Variants in SYNPO observed in about 807,000 individuals in gnomAD.
The protein encoded by SYNPO is synaptopodin.
A neutral mutation model predicts 49.5 loss-of-function variants in SYNPO; 19 were observed. The observed-to-expected ratio is 0.38, with a 90% CI of 0.27 to 0.56. The LOEUF (loss-of-function observed/expected upper bound fraction) is 0.56. Among genes scored for constraint, SYNPO ranks in the 20% least tolerant of loss-of-function variants. The probability of loss-of-function intolerance (pLI) is 0.68; values close to 1 mark genes in which losing one functional copy is unlikely to be tolerated. For missense variants in SYNPO, 1,131 were observed against 1,248.3 expected, an observed-to-expected ratio of 0.91 and a Z score of 1.42; for synonymous variants, 536 against 548.0, an observed-to-expected ratio of 0.98 and a Z score of 0.31.
At chr5:150,652,251 G>A (rs372917942) in intron 2 of SYNPO, 97 of 1,000,460 alleles carry the variant, frequency 9.7e-5, no homozygotes, top group Admixed American at 8.6e-4. Flanking sequence ...GGAAGAGCCC[G>A]CCCTTCATTC....
rs749327906 is a variant in SYNPO at position 150,649,955 on chromosome 5, C to A, written c.1680C>A (p.Thr560=). 23 of 1,612,602 alleles carry A rather than the reference C, an allele frequency of 1.4e-5. No individual in the cohort carries two copies. The South Asian group carries it at 2.4e-4, about 17-fold the overall frequency. The part of the protein sequence containing the change: ...PENGVLRPEP[T]KQPPYQLRPS... ...ACGGGGTCCTGCGCCCAGAGCCCAC[C>A]AAGCAGCCGCCATACCAGCTGCGCC... The change falls in exon 2 of 3, where the codon ACC becomes ACA. Residue 560 remains threonine, a synonymous_variant. Transcript: ENST00000307662.
chr5:150,591,533 G>T, the SYNPO span, among the ~76,000 whole-genome samples: 22 of 152,354 alleles, frequency 1.4e-4, no homozygotes, highest in African/African-American at 5.3e-4. Flanking sequence ...CCAAGCCCTG[G>T]TCTCTTGGCC....
At chr5:150,656,348 C>G in intron 2 of SYNPO, 56 bp from the exon 3 acceptor site, 1 of 1,376,044 alleles carries the variant, frequency 7.3e-7, no homozygotes, top group Non-Finnish European at 9.8e-7. Flanking sequence ...TCCTAAAGCC[C>G]GGTGTGGAAG....
At chr5:150,646,684 C>T (rs1758104595) in intron 1 of SYNPO, among the ~76,000 whole-genome samples, 1 of 151,990 alleles carries the variant, frequency 6.6e-6, no homozygotes, top group Admixed American at 6.6e-5. Flanking sequence ...GAGATCTCAT[C>T]ATTGCACTCC....
At position 150,640,787 on chromosome 5, in the gene SYNPO, A is replaced by G. The variant is rs1224794121; in HGVS notation, c.-400A>G. On this transcript the variant is annotated 5_prime_UTR_variant, in exon 1 of 3. The change abolishes the stop of an existing upstream ORF in the 5' untranslated region. Coordinates refer to ENST00000307662, the MANE Select transcript of SYNPO (RefSeq NM_007286.6). ...TTGGCTGCCTTTGCCGGAGGCTTTG[A>G]GAACCAAGGCTTGAAGGCCGGCAGG... The G allele has an allele frequency of 1.0e-6, 1 of 985,464 alleles. No homozygotes were observed. The highest frequency in any genetic ancestry group is 1.1e-4 in the East Asian group (1 of 8,956). The allele number at this position is 985,464 out of a possible 1,614,324, so 61.0% of individuals were successfully genotyped here. A position where few individuals can be genotyped will look rare whatever the true frequency, so the allele number is the denominator to read the frequency against.
At chr5:150,592,723 AC>A in the SYNPO span, among the ~76,000 whole-genome samples, 90 of 152,294 alleles carry the variant, frequency 5.9e-4, no homozygotes, top group African/African-American at 2.2e-3. Context: ...TTAAGGCTTG[AC>A]CCTTCTTTCT....
intron 2 of SYNPO, among the ~76,000 whole-genome samples, chr5:150,655,472 C>G (rs1190232074): frequency 6.6e-6 from 1 of 152,206 alleles, no homozygotes; most frequent in African/African-American, 2.4e-5. Flanking sequence ...GGACCTCCCT[C>G]CCAGCTCCTC....
At chr5:150,628,651 G>C (rs1185691045) in intron 2 of SYNPO, among the ~76,000 whole-genome samples, 4 of 152,256 alleles carry the variant, frequency 2.6e-5, no homozygotes, top group Admixed American at 1.3e-4. Flanking sequence ...GCTCACGCCT[G>C]TAATCCCAGC....
rs1284937291 is a variant in SYNPO at position 150,648,732 on chromosome 5, A to C, written c.457A>C (p.Ser153Arg). The C allele has an allele frequency of 2.5e-6, 4 of 1,614,102 alleles. No individual in the cohort carries two copies. The highest frequency in any genetic ancestry group is 2.5e-6 in the Non-Finnish European group (3 of 1,180,042). The change falls in exon 2 of 3, where the codon AGC becomes CGC. Residue 153 changes from serine (S) to arginine (R), a missense_variant. Physicochemically the swap from Ser to Arg is moderately radical, Grantham distance 110 (BLOSUM62 -1). Around this residue, in one of 4 missense-constraint regions of SYNPO, gnomAD observed 602 missense variants for 720.7 expected, o/e 0.84. Coordinates refer to ENST00000307662, the MANE Select transcript of SYNPO (RefSeq NM_007286.6). The surrounding 1 kb of genome is among the most constrained non-coding windows in gnomAD (Gnocchi z 5.0). ...PQAPAEEVRC[S>R]TLLIDKVSTP... ...GGCACCGGCTGAGGAGGTGAGATGC[A>C]GCACACTCCTAATTGACAAGGTATC...
At chr5:150,602,267 G>A (rs970892267) in intron 1 of SYNPO, among the ~76,000 whole-genome samples, 5 of 152,212 alleles carry the variant, frequency 3.3e-5, no homozygotes, top group African/African-American at 7.2e-5. Flanking sequence ...GCCTTGCTAC[G>A]GATGTTGGAC....
chr5:150,629,563 G>T (rs557157165), intron 2 of SYNPO, among the ~76,000 whole-genome samples: 3 of 152,264 alleles, frequency 2.0e-5, no homozygotes, highest in Admixed American at 6.5e-5. Context: ...CTGACACCAT[G>T]GTGTCAAGGG....
At chr5:150,608,316 A>G (rs1303704326) in intron 1 of SYNPO, 1 of 152,176 alleles carries the variant, frequency 6.6e-6, no homozygotes, top group Non-Finnish European at 1.5e-5. Context: ...GGCCAGCATG[A>G]CTTTCTAGGA....
chr5:150,639,299 G>C (rs1014477807), upstream of SYNPO, among the ~76,000 whole-genome samples: 8 of 152,224 alleles, frequency 5.3e-5, no homozygotes, highest in Admixed American at 2.6e-4. Context: ...GAAACCAGAA[G>C]TTTGGCCAGG....
intron 2 of SYNPO, among the ~76,000 whole-genome samples, chr5:150,655,707 C>CA (rs1327124139): frequency 5.3e-5 from 8 of 152,208 alleles, no homozygotes; most frequent in Non-Finnish European, 8.8e-5. Flanking sequence ...GGCTGGAGTG[C>CA]GGTGGCACGA....
intron 2 of SYNPO, chr5:150,652,499 C>T: frequency 2.7e-6 from 2 of 739,404 alleles, no homozygotes; most frequent in Non-Finnish European, 3.3e-6. Context: ...TCTGGTTCTG[C>T]ACTGGTACAG....
At chr5:150,589,468 G>A in the SYNPO span, among the ~76,000 whole-genome samples, 2 of 152,246 alleles carry the variant, frequency 1.3e-5, no homozygotes, top group South Asian at 2.1e-4. Context: ...CCATCCCTAC[G>A]AATGGACCTT....
rs535892114 is a variant in SYNPO at position 150,618,591 on chromosome 5, G to T, written c.224G>T (p.Gly75Val). 1.8e-4 allele frequency: 274 copies of T among 1,551,348 alleles called. No homozygotes were observed. The African/African-American group carries it at 3.4e-3, about 19-fold the overall frequency. ...GACTCTGCCTGCAGAGTCACCCAGG[G>T]GACACCGCAGCTGCCCAAAGCCCTG... Residue 75 changes from glycine to valine, a missense_variant, in exon 2 of 3, where the codon GGG (glycine) becomes GTG (valine). Coordinates refer to the SYNPO transcript ENST00000394243.
At position 150,656,438 on chromosome 5, in the gene SYNPO, G is replaced by A; in HGVS notation, c.2063G>A (p.Trp688Ter). 2 of 1,531,874 alleles carry A rather than the reference G, an allele frequency of 1.3e-6. No homozygotes were observed. Among genetic ancestry groups the A allele is most frequent in the South Asian group, 1.2e-5 (1 of 83,628 alleles). The allele number at this position is 1,531,874 out of a possible 1,614,324, so 94.9% of individuals were successfully genotyped here. A position where few individuals can be genotyped will look rare whatever the true frequency, so the allele number is the denominator to read the frequency against. Residue 688 changes from tryptophan to a stop codon, truncating the protein, a stop_gained, in exon 3 of 3, where the codon TGG becomes TAG. Transcript: ENST00000307662. LOFTEE classifies it high-confidence loss of function. The stretch of plus-strand genomic sequence containing the variant: ...GAGAGCCTGCCCACCTCCCCACCCT[G>A]GACGCCGGGCGCGTCCCGGCCCCCC... ...RRESLPTSPPWTPGASRPPSS... is the reference protein window; with the variant it reads ...RRESLPTSPP
chr5:150,625,627 T>G, intron 2 of SYNPO, among the ~76,000 whole-genome samples: 1 of 152,020 alleles, frequency 6.6e-6, no homozygotes, highest in Non-Finnish European at 1.5e-5. Flanking sequence ...GCCCCAGAGG[T>G]GAAGTTAGTG....
Sources: gnomAD v4.1 joint callset for allele counts (sites outside exome capture counted in the v4.1 genomes callset) on GRCh38, gnomAD v4.1.1 for gene constraint, gnomAD v4.1.1 regional missense constraint, Gnocchi (gnomAD v3.1) non-coding constraint, MANE v1.5 for transcripts, NCBI Gene and HGNC (gene_info 2026-07-23, HGNC 2026-07-21) for gene names.